FHIT: variants seen among roughly 807,000 people sequenced by gnomAD.
The protein encoded by FHIT is bis(5'-adenosyl)-triphosphatase.
In FHIT, 19 loss-of-function variants were observed where a neutral mutation model predicts 17.9. The ratio of observed to expected loss-of-function variants is 1.06; its 90% CI spans 0.74 to 1.56. The LOEUF (loss-of-function observed/expected upper bound fraction) is 1.56. Ranked by LOEUF, FHIT falls within the 40% of genes most tolerant of loss-of-function variation. The pLI is 0.00. For missense variants in FHIT, 248 were observed against 189.2 expected, an observed-to-expected ratio of 1.31 and a Z score of -1.82; for synonymous variants, 81 against 69.7, an observed-to-expected ratio of 1.16 and a Z score of -0.81.
chr3:59,922,230 G>C (rs1290290127), intron 8 of FHIT, 116 bp downstream of exon 8: 1 of 946,888 alleles, frequency 1.1e-6, no homozygotes, highest in Non-Finnish European at 1.7e-6. Context: ...TCCAAGTCTG[G>C]CTAAATAGAA....
At chr3:60,482,455 A>G (rs1017364559) in intron 5 of FHIT, among the ~76,000 whole-genome samples, 3 of 152,204 alleles carry the variant, frequency 2.0e-5, no homozygotes, top group African/African-American at 7.2e-5. Flanking sequence ...AGCAAATGCA[A>G]AAGAACTGAA....
At chr3:60,699,863 G>GC (rs1451707420) in intron 4 of FHIT, among the ~76,000 whole-genome samples, 1 of 151,552 alleles carries the variant, frequency 6.6e-6, no homozygotes, top group African/African-American at 2.4e-5. Context: ...GCACACATAC[G>GC]CCAGGTACAG....
intron 1 of FHIT, among the ~76,000 whole-genome samples, chr3:61,202,088 A>ACACACACACG (rs1318636619): frequency 4.3e-4 from 65 of 152,040 alleles, no homozygotes; most frequent in African/African-American, 1.5e-3. Flanking sequence ...ACACACACAC[A>ACACACACACG]CACGCACATA....
At chr3:60,847,079 C>T (rs1553746777) in intron 3 of FHIT, among the ~76,000 whole-genome samples, 1 of 152,198 alleles carries the variant, frequency 6.6e-6, no homozygotes. Context: ...CCACCTTGGC[C>T]TCCCAAAGTG....
At chr3:59,909,482 A>C (rs1285002659) in intron 8 of FHIT, among the ~76,000 whole-genome samples, 1 of 152,044 alleles carries the variant, frequency 6.6e-6, no homozygotes, top group African/African-American at 2.4e-5. Flanking sequence ...GGCACGCACC[A>C]CCACACCTGG....
intron 1 of FHIT, among the ~76,000 whole-genome samples, chr3:61,210,083 A>G (rs1018338709): frequency 6.6e-6 from 1 of 151,982 alleles, no homozygotes; most frequent in East Asian, 1.9e-4. Context: ...TCCACTCCAG[A>G]CTCTGTGTGC....
intron 5 of FHIT, among the ~76,000 whole-genome samples, chr3:60,106,210 T>C (rs985483699): frequency 6.6e-6 from 1 of 152,216 alleles, no homozygotes; most frequent in African/African-American, 2.4e-5. Flanking sequence ...TACTTAACGA[T>C]AGCCCCACAG....
At chr3:61,052,427 G>C (rs1414369646) in intron 2 of FHIT, among the ~76,000 whole-genome samples, 1 of 152,116 alleles carries the variant, frequency 6.6e-6, no homozygotes, top group African/African-American at 2.4e-5. Context: ...TGAAAAATCG[G>C]TGCTTGCGGC....
At chr3:60,384,904 C>T (rs9848065) in intron 5 of FHIT, among the ~76,000 whole-genome samples, 46,187 of 151,250 alleles carry the variant, frequency 0.31, 7,256 homozygotes, top group East Asian at 0.47. Flanking sequence ...TCTAAATTTA[C>T]GTTCAATGCC....
intron 5 of FHIT, among the ~76,000 whole-genome samples, chr3:60,317,928 C>A (rs534406196): frequency 6.6e-6 from 1 of 151,908 alleles, no homozygotes; most frequent in South Asian, 2.1e-4. Context: ...GTAGCTGGGA[C>A]TACAGGTGCA....
intron 4 of FHIT, among the ~76,000 whole-genome samples, chr3:60,787,364 G>A: frequency 6.6e-6 from 1 of 152,136 alleles, no homozygotes; most frequent in East Asian, 1.9e-4. Context: ...CCTCAGAGAA[G>A]CTCTCCTGGA....
chr3:60,250,792 T>A (rs919924013), intron 5 of FHIT, among the ~76,000 whole-genome samples: 5 of 152,156 alleles, frequency 3.3e-5, no homozygotes, highest in African/African-American at 9.7e-5. Context: ...ACCACCTGAT[T>A]TTCAATCGAC....
At chr3:60,127,318 T>G (rs1705599004) in intron 5 of FHIT, among the ~76,000 whole-genome samples, 1 of 152,194 alleles carries the variant, frequency 6.6e-6, no homozygotes, top group Non-Finnish European at 1.5e-5. Flanking sequence ...TTTCTATCTC[T>G]GATATCTAAA....
chr3:60,549,529 G>T (rs1411034791), intron 4 of FHIT, among the ~76,000 whole-genome samples: 1 of 152,128 alleles, frequency 6.6e-6, no homozygotes, highest in Admixed American at 6.5e-5. Context: ...CTACGGGTAT[G>T]AACTACTAAA....
chr3:59,778,760 T>A lies in FHIT; in HGVS notation c.349-26439A>T, dbSNP rs576368533. ...GTCATGTAGAGAAACAGGCTTTGAA[T>A]CATAAGAACCTTAAGGGTCTTGTGG... On this transcript the variant is annotated intron_variant, in intron 8 of 9. Transcript: ENST00000492590. Among the ~76,000 whole-genome samples the A allele has an allele frequency of 3.3e-5, 5 of 152,316 alleles. No individual in the cohort carries two copies. In the South Asian group the frequency reaches 1.0e-3, roughly 32 times the overall value.
intron 5 of FHIT, among the ~76,000 whole-genome samples, chr3:60,529,983 T>C (rs1357317885): frequency 1.3e-5 from 2 of 152,124 alleles, no homozygotes; most frequent in Non-Finnish European, 2.9e-5. Flanking sequence ...ACAGCCTTTA[T>C]GCAATTCTGA....
In FHIT at chr3:60,537,886, T is replaced by A. The variant is rs115892461; in HGVS notation, c.-17-907A>T. 4.7e-3 allele frequency among the ~76,000 whole-genome samples: 711 copies of A among 152,216 alleles called. 2 individuals carry two copies. The highest frequency in any genetic ancestry group is 0.016 in the African/African-American group (656 of 41,528). On this transcript the variant is annotated intron_variant, in intron 4 of 9. Coordinates refer to ENST00000492590, the MANE Select transcript of FHIT (RefSeq NM_002012.4). Reference sequence around the variant, plus strand: ...ATTCGGGAACAGCCTAGTATGAAACTGAGGAACATGGATCAATCTACAGAA... The same window carrying A: ...ATTCGGGAACAGCCTAGTATGAAACAGAGGAACATGGATCAATCTACAGAA...
At chr3:60,801,988 A>C (rs1553732475) in intron 4 of FHIT, among the ~76,000 whole-genome samples, 1 of 152,250 alleles carries the variant, frequency 6.6e-6, no homozygotes, top group African/African-American at 2.4e-5. Flanking sequence ...ATCATTAAGA[A>C]GTATCATTCA....
chr3:60,776,975 G>A (rs532335476), intron 4 of FHIT, among the ~76,000 whole-genome samples: 101 of 152,300 alleles, frequency 6.6e-4, no homozygotes, highest in African/African-American at 2.3e-3. Flanking sequence ...TGGTTTTTCT[G>A]TAAATTGAGC....
Sources: allele counts gnomAD v4.1 joint callset (sites outside exome capture counted in the v4.1 genomes callset), GRCh38; gene constraint gnomAD v4.1.1; transcripts MANE v1.5; gene names NCBI Gene and HGNC (gene_info 2026-07-23, HGNC 2026-07-21).